Variants in FAM168A observed in about 807,000 individuals in gnomAD.
The protein encoded by FAM168A is family with sequence similarity 168 member A, also known as protein FAM168A.
Under a neutral mutation model 28.5 loss-of-function variants are expected in FAM168A, and 3 were observed. The observed-to-expected ratio is 0.11, with a 90% CI of 0.05 to 0.27. The LOEUF (loss-of-function observed/expected upper bound fraction) is 0.27. Among genes scored for constraint, FAM168A ranks in the 10% least tolerant of loss-of-function variants. The probability of loss-of-function intolerance (pLI) is 1.00; values close to 1 mark genes in which losing one functional copy is unlikely to be tolerated. For synonymous variants in FAM168A, 122 were observed against 124.2 expected, an observed-to-expected ratio of 0.98 and a Z score of 0.12; for missense variants, 222 against 311.5, an observed-to-expected ratio of 0.71 and a Z score of 2.16.
intron 4 of FAM168A, among the ~76,000 whole-genome samples, chr11:73,418,762 C>T (rs1316362716): frequency 6.6e-6 from 1 of 152,028 alleles, no homozygotes; most frequent in African/African-American, 2.4e-5. Context: ...TCCAACAAGA[C>T]ACAAAGTTCT....
intron 5 of FAM168A, among the ~76,000 whole-genome samples, chr11:73,411,060 T>C (rs984621929): frequency 6.6e-6 from 1 of 152,244 alleles, no homozygotes; most frequent in Non-Finnish European, 1.5e-5. Flanking sequence ...TAGCTCGTGG[T>C]GTAACCTTGG....
At chr11:73,586,666 C>A (rs1944316911) in intron 1 of FAM168A, among the ~76,000 whole-genome samples, 1 of 152,172 alleles carries the variant, frequency 6.6e-6, no homozygotes, top group African/African-American at 2.4e-5. Flanking sequence ...TCTCCTCTGT[C>A]CAATCACAGT....
intron 3 of FAM168A, among the ~76,000 whole-genome samples, chr11:73,420,625 G>A (rs1866775187): frequency 6.6e-6 from 1 of 152,250 alleles, no homozygotes; most frequent in African/African-American, 2.4e-5. Flanking sequence ...GCTGAGGCCA[G>A]ACAGACATAC....
chr11:73,423,830 T>A (rs1346831311), intron 3 of FAM168A, among the ~76,000 whole-genome samples: 1 of 152,260 alleles, frequency 6.6e-6, no homozygotes, highest in African/African-American at 2.4e-5. Context: ...CTAGTCTTCG[T>A]ATTTTCAAAG....
In FAM168A at chr11:73,573,419, A is replaced by T. The variant is rs77792939; in HGVS notation, c.-19+24504T>A. Among the ~76,000 whole-genome samples, 13 of 152,238 alleles carry T rather than the reference A, an allele frequency of 8.5e-5. No individual in the cohort carries two copies. In the East Asian group the frequency reaches 2.5e-3, roughly 29 times the overall value. On this transcript the variant is annotated intron_variant, in intron 1 of 7. Coordinates refer to ENST00000356467, the MANE Select transcript of FAM168A (RefSeq NM_015159.3). ...GGGATCAAGATTAGACCAAGATCCA[A>T]ATCTCAAGTCTAAGCTCTTCTCTAA...
intron 1 of FAM168A, among the ~76,000 whole-genome samples, chr11:73,492,677 C>CA (rs762149516): frequency 1.3e-3 from 196 of 152,224 alleles, no homozygotes; most frequent in Non-Finnish European, 2.2e-3. Flanking sequence ...TAATGATACT[C>CA]TGCTCTGGAT....
At chr11:73,469,439 T>G (rs1344870564) in intron 1 of FAM168A, among the ~76,000 whole-genome samples, 3 of 152,162 alleles carry the variant, frequency 2.0e-5, no homozygotes, top group African/African-American at 7.2e-5. Flanking sequence ...TTGTATCACT[T>G]CAAAATAGGA....
At chr11:73,454,886 G>T (rs745977781) in intron 2 of FAM168A, among the ~76,000 whole-genome samples, 12 of 152,116 alleles carry the variant, frequency 7.9e-5, no homozygotes, top group Non-Finnish European at 1.5e-4. Flanking sequence ...AAAATCTCCT[G>T]CATTTACCAC....
intron 3 of FAM168A, among the ~76,000 whole-genome samples, chr11:73,427,596 T>C (rs935299619): frequency 6.6e-6 from 1 of 152,196 alleles, no homozygotes; most frequent in Non-Finnish European, 1.5e-5. Context: ...TTCTCTAAGC[T>C]TTAGTTTTCC....
At chr11:73,444,911 T>C (rs1046741039) in intron 2 of FAM168A, among the ~76,000 whole-genome samples, 1 of 152,208 alleles carries the variant, frequency 6.6e-6, no homozygotes, top group East Asian at 1.9e-4. Flanking sequence ...CTATTTTTTC[T>C]AAAATGAGCA....
chr11:73,537,142 C>T (rs1337392832), intron 1 of FAM168A, among the ~76,000 whole-genome samples: 1 of 151,982 alleles, frequency 6.6e-6, no homozygotes, highest in African/African-American at 2.4e-5. Flanking sequence ...GGAAGTGTAA[C>T]ATAAAAGAAA....
intron 1 of FAM168A, among the ~76,000 whole-genome samples, chr11:73,469,792 T>C (rs191207722): frequency 5.3e-5 from 8 of 152,308 alleles, no homozygotes; most frequent in Non-Finnish European, 1.2e-4. Context: ...AAAAATATTC[T>C]CACAGCCAGA....
At chr11:73,465,488 A>G (rs1283262423) in intron 2 of FAM168A, among the ~76,000 whole-genome samples, 3 of 117,888 alleles carry the variant, frequency 2.5e-5, no homozygotes. Context: ...TTGAGCTGTC[A>G]TAACAAAATA....
At chr11:73,526,005 T>C (rs1302312659) in intron 1 of FAM168A, among the ~76,000 whole-genome samples, 1 of 152,218 alleles carries the variant, frequency 6.6e-6, no homozygotes, top group Non-Finnish European at 1.5e-5. Context: ...ACAGGGGTAG[T>C]AGTATGCTGT....
chr11:73,508,073 C>T (rs7935948), intron 1 of FAM168A, among the ~76,000 whole-genome samples: 32,991 of 152,076 alleles, frequency 0.22, 6,074 homozygotes, highest in African/African-American at 0.51. Context: ...TGGGTCTTAG[C>T]GTCATCTCTC....
intron 1 of FAM168A, among the ~76,000 whole-genome samples, chr11:73,553,003 GAATTT>G (rs1041943272): frequency 1.2e-4 from 19 of 152,056 alleles, no homozygotes; most frequent in South Asian, 1.0e-3. Context: ...CTGAAGGAAT[GAATTT>G]AATTTATCAT....
chr11:73,574,718 A>ATTTT (rs10568027), intron 1 of FAM168A, among the ~76,000 whole-genome samples: 4 of 88,632 alleles, frequency 4.5e-5, no homozygotes, highest in Non-Finnish European at 9.2e-5. Flanking sequence ...TACACCTGGC[A>ATTTT]TTTTTTTTTT....
chr11:73,464,251 A>G (rs1434862234), intron 2 of FAM168A, among the ~76,000 whole-genome samples: 2 of 151,930 alleles, frequency 1.3e-5, no homozygotes, highest in Non-Finnish European at 2.9e-5. Flanking sequence ...AGAATAAACA[A>G]AGTACAAATG....
chr11:73,430,663 G>A lies in FAM168A; in HGVS notation c.151+27C>T, dbSNP rs146458450. 34,282 of 1,600,184 alleles carry A rather than the reference G, an allele frequency of 0.021. 531 individuals carry two copies. The highest frequency in any genetic ancestry group is 0.03 in the Middle Eastern group (173 of 5,674). ...TAGAGTCCCCCTTCCCACTCCATTC[G>A]CCACTGCTGTCCCATTTCCTCCTTA... is the stretch of plus-strand genomic sequence containing the variant. On this transcript the variant is annotated intron_variant, in intron 3 of 7. Transcript: ENST00000356467.
Sources: allele counts gnomAD v4.1 joint callset (sites outside exome capture counted in the v4.1 genomes callset), GRCh38; gene constraint gnomAD v4.1.1; transcripts MANE v1.5; gene names NCBI Gene and HGNC (gene_info 2026-07-23, HGNC 2026-07-21).